Variants in MRPL28 observed in about 807,000 individuals in gnomAD.
MRPL28 encodes mitochondrial ribosomal protein L28.
Under a neutral mutation model 26.2 loss-of-function variants are expected in MRPL28, and 25 were observed. That is an observed-to-expected ratio of 0.95 (90% CI 0.69 to 1.33). The LOEUF is 1.33. Among genes scored for constraint, MRPL28 ranks in the 40% most tolerant of loss-of-function variants. The probability of loss-of-function intolerance (pLI) is 0.00; values close to 1 mark genes in which losing one functional copy is unlikely to be tolerated. For synonymous variants in MRPL28, 227 were observed against 140.1 expected, an observed-to-expected ratio of 1.62 and a Z score of -4.38; for missense variants, 432 against 327.2, an observed-to-expected ratio of 1.32 and a Z score of -2.47.
chr16:370,182 G>C lies in MRPL28; in HGVS notation c.37C>G (p.Arg13Gly). 1 of 1,598,066 alleles carries C rather than the reference G, an allele frequency of 6.3e-7. No homozygotes were observed. Among genetic ancestry groups the C allele is most frequent in the African/African-American group, 1.3e-5 (1 of 74,744 alleles). ...LHKYPVWLWKRLQLREGICSR... is the reference protein window; with the variant it reads ...LHKYPVWLWKGLQLREGICSR... Reference sequence around the variant, plus strand: ...CAGATGCCCTCCCGCAGCTGCAGCCGCTTCCAGAGCCACACGGGATACTTG... The same window carrying C: ...CAGATGCCCTCCCGCAGCTGCAGCCCCTTCCAGAGCCACACGGGATACTTG... The change falls in exon 2 of 6, where the codon CGG becomes GGG. Residue 13 changes from arginine (R) to glycine (G), a missense_variant. Coordinates refer to ENST00000199706, the MANE Select transcript of MRPL28 (RefSeq NM_006428.5).
In MRPL28 at chr16:369,914, G is replaced by A; in HGVS notation, c.288+17C>T. 1 of 1,597,598 alleles carries A rather than the reference G, an allele frequency of 6.3e-7. No individual in the cohort carries two copies. Among genetic ancestry groups the A allele is most frequent in the Non-Finnish European group, 8.5e-7 (1 of 1,174,886 alleles). Reference sequence around the variant, plus strand: ...CAAGCCCTGAGAGGAGCCCCTGAAGGCCGCCTGCGGACCCACCTTGTCGTT... The same window carrying A: ...CAAGCCCTGAGAGGAGCCCCTGAAGACCGCCTGCGGACCCACCTTGTCGTT... On this transcript the variant is annotated intron_variant, in intron 2 of 5. Coordinates refer to ENST00000199706, the MANE Select transcript of MRPL28 (RefSeq NM_006428.5).
chr16:369,231 A>T lies in MRPL28; in HGVS notation c.289-11T>A. On this transcript the variant is annotated splice_polypyrimidine_tract_variant and intron_variant, in intron 2 of 5. Coordinates refer to ENST00000199706, the MANE Select transcript of MRPL28 (RefSeq NM_006428.5). ...CAGCCTCTTGGAGAGCTGAGGGTGC[A>T]ACAGAGCCTCCATGAGTACTGCTGC... 6.2e-7 allele frequency: 1 copy of T among 1,613,466 alleles called. No individual in the cohort carries two copies.
chr16:369,176 C>G lies in MRPL28; in HGVS notation c.333G>C (p.Glu111Asp). 6 of 1,614,068 alleles carry G rather than the reference C, an allele frequency of 3.7e-6. No homozygotes were observed. The highest frequency in any genetic ancestry group is 5.1e-6 in the Non-Finnish European group (6 of 1,179,970). ...CCAGGATCTCACTGTAGAACTCTCG[C>G]TCAAACAGCTGTGGCTTCCACACTT... Reference protein sequence around the residue: ...LKKVWKPQLFEREFYSEILDK... With the variant: ...LKKVWKPQLFDREFYSEILDK... Residue 111 changes from glutamate to aspartate, a missense_variant, in exon 3 of 6, where the codon GAG becomes GAC. By Grantham distance (45) the Glu-to-Asp change is conservative. Transcript: ENST00000199706.
In MRPL28 at chr16:367,082, G is replaced by A. The variant is rs1250451209; in HGVS notation, c.*593C>T. Among the ~76,000 whole-genome samples, 2 of 152,150 alleles carry A rather than the reference G, an allele frequency of 1.3e-5. No homozygotes were observed. The highest frequency in any genetic ancestry group is 2.4e-5 in the African/African-American group (1 of 41,434). ...AGCCATACATGATAGCGGGGTGCCT[G>A]TAATCCCAGCTACTCAGGAGGCTGA... On this transcript the variant is annotated 3_prime_UTR_variant, in exon 6 of 6. Coordinates refer to ENST00000199706, the MANE Select transcript of MRPL28 (RefSeq NM_006428.5).
chr16:368,129 C>G (rs2054277487), intron 5 of MRPL28, among the ~76,000 whole-genome samples, 199 bp downstream of exon 5: 1 of 152,200 alleles, frequency 6.6e-6, no homozygotes, highest in Admixed American at 6.5e-5. Flanking sequence ...ACTGAGGGTC[C>G]TGGGACAGAA....
rs1162817845 is a variant in MRPL28 at position 370,038 on chromosome 16, G to T, written c.181C>A (p.Arg61Ser). 6.2e-7 allele frequency: 1 copy of T among 1,613,194 alleles called. No individual in the cohort carries two copies. Among genetic ancestry groups the T allele is most frequent in the Non-Finnish European group, 8.5e-7 (1 of 1,179,846 alleles). Reference protein sequence around the residue: ...KINPKNGQRERVEDVPIPIYF... With the variant: ...KINPKNGQRESVEDVPIPIYF... ...ATGGGAATGGGCACGTCCTCCACAC[G>T]CTCCCGCTGCCCGTTCTTGGGGTTG... The change falls in exon 2 of 6, where the codon CGT becomes AGT. Residue 61 changes from arginine to serine, a missense_variant. Coordinates refer to ENST00000199706, the MANE Select transcript of MRPL28 (RefSeq NM_006428.5).
rs1268568882 is a variant in MRPL28 at position 367,461 on chromosome 16, G to A, written c.*214C>T. 1 of 715,570 alleles carries A rather than the reference G, an allele frequency of 1.4e-6. No individual in the cohort carries two copies. Among genetic ancestry groups the A allele is most frequent in the African/African-American group, 1.7e-5 (1 of 57,370 alleles). 44.3% of individuals were successfully genotyped at this position (715,570 alleles called of 1,614,324 possible). A position where few individuals can be genotyped will look rare whatever the true frequency, so the allele number is the denominator to read the frequency against. On this transcript the variant is annotated 3_prime_UTR_variant, in exon 6 of 6. Transcript: ENST00000199706. ...AAGGAACACTGCCGCAAACGTCGGG[G>A]CCCAGCCTGAGAGGAGCCTCTGGGC...
chr16:367,710 G>A lies in MRPL28; in HGVS notation c.736C>T (p.Pro246Ser). ...QQLQQQALSEPAVVQKRASGQ is the reference protein window; with the variant it reads ...QQLQQQALSESAVVQKRASGQ Reference sequence around the variant, plus strand: ...CTGGCTCTCTTCTGCACCACCGCCGGCTCTGACAGTGCCTGCTGCTGCAGC... The same window carrying A: ...CTGGCTCTCTTCTGCACCACCGCCGACTCTGACAGTGCCTGCTGCTGCAGC... Residue 246 changes from proline to serine, a missense_variant, in exon 6 of 6, where the codon CCG becomes TCG. Pro to Ser is a moderately conservative substitution (Grantham distance 74). Transcript: ENST00000199706. The A allele has an allele frequency of 6.2e-7, 1 of 1,613,884 alleles. No homozygotes were observed.
chr16:367,638 G>C lies in MRPL28; in HGVS notation c.*37C>G. 6.4e-7 allele frequency: 1 copy of C among 1,561,542 alleles called. No individual in the cohort carries two copies. The highest frequency in any genetic ancestry group is 2.2e-5 in the East Asian group (1 of 44,598). On this transcript the variant is annotated 3_prime_UTR_variant, in exon 6 of 6. Transcript: ENST00000199706. ...CAGTGCAAAGGGCCTGGCAGGGAAAGCTGGGCCTGTTGGTCAGGCATGGAG... is the reference window on the plus strand; with the variant it reads ...CAGTGCAAAGGGCCTGGCAGGGAAACCTGGGCCTGTTGGTCAGGCATGGAG...
At chr16:368,912 G>C in intron 3 of MRPL28, 156 bp downstream of exon 3, 1 of 1,102,148 alleles carries the variant, frequency 9.1e-7, no homozygotes, top group Non-Finnish European at 1.3e-6. Flanking sequence ...CCCCACTGGT[G>C]CTGGCCAGAA....
At chr16:367,849 G>A (rs768710775) in intron 5 of MRPL28, 67 bp from the exon 6 acceptor site, 15 of 1,384,180 alleles carry the variant, frequency 1.1e-5, no homozygotes, top group Non-Finnish European at 1.5e-5. Flanking sequence ...CGACGGGGAT[G>A]GGATCAGCAG....
In MRPL28 at chr16:367,566, C is replaced by T. The variant is rs1597148834; in HGVS notation, c.*109G>A. On this transcript the variant is annotated 3_prime_UTR_variant, in exon 6 of 6. Coordinates refer to ENST00000199706, the MANE Select transcript of MRPL28 (RefSeq NM_006428.5). The stretch of plus-strand genomic sequence containing the variant: ...GGGCAGCACACGAAACCAGGATCCA[C>T]CCACTGCCCACCGGTGGCCCTCACA... 1.0e-6 allele frequency: 1 copy of T among 976,656 alleles called. No individual in the cohort carries two copies. The highest frequency in any genetic ancestry group is 1.4e-5 in the South Asian group (1 of 71,292). The allele number at this position is 976,656 out of a possible 1,614,324, so 60.5% of individuals were successfully genotyped here. A position where few individuals can be genotyped will look rare whatever the true frequency, so the allele number is the denominator to read the frequency against.
At position 370,173 on chromosome 16, in the gene MRPL28, G is replaced by A. The variant is rs759877016; in HGVS notation, c.46C>T (p.Leu16=). Residue 16 remains leucine (L), a synonymous_variant, in exon 2 of 6, where the codon CTG becomes TTG. Transcript: ENST00000199706. ...AGGCGGGAACAGATGCCCTCCCGCAGCTGCAGCCGCTTCCAGAGCCACACG... is the reference window on the plus strand; with the variant it reads ...AGGCGGGAACAGATGCCCTCCCGCAACTGCAGCCGCTTCCAGAGCCACACG... ...YPVWLWKRLQ[L]REGICSRLPG... The A allele has an allele frequency of 6.3e-7, 1 of 1,599,102 alleles. No homozygotes were observed. Among genetic ancestry groups the A allele is most frequent in the South Asian group, 1.1e-5 (1 of 90,094 alleles).
chr16:369,506 T>C (rs901501773), intron 2 of MRPL28: 5 of 629,008 alleles, frequency 7.9e-6, no homozygotes, highest in Middle Eastern at 2.5e-4. Context: ...GACCCCACAG[T>C]TTACAGGTTG....
Position 368,611 on chromosome 16 carries a change from T to G in MRPL28, c.466A>C (p.Lys156Gln), listed in dbSNP as rs149116854. 5.6e-5 allele frequency: 88 copies of G among 1,579,354 alleles called. No individual in the cohort carries two copies. The African/African-American group carries it at 1.0e-3, about 18-fold the overall frequency. Residue 156 changes from lysine to glutamine, a missense_variant, in exon 4 of 6, where the codon AAG becomes CAG. Physicochemically the swap from Lys to Gln is moderately conservative, Grantham distance 53. Transcript: ENST00000199706. ...LKTPKEDLCS[K>Q]FGMDLKRGML... ...CCTCGCTTCAGGTCCATCCCAAACTTGGAGCACAGGTCCTCCTTCGGGGTC... is the reference window on the plus strand; with the variant it reads ...CCTCGCTTCAGGTCCATCCCAAACTGGGAGCACAGGTCCTCCTTCGGGGTC...
chr16:369,028 C>A, intron 3 of MRPL28, 40 bp downstream of exon 3: 1 of 1,603,322 alleles, frequency 6.2e-7, no homozygotes, highest in Non-Finnish European at 8.5e-7. Context: ...ACTGGCCCAT[C>A]CCAGACCCTG....
intron 2 of MRPL28, 21 bp from the exon 3 acceptor site, chr16:369,241 C>G: frequency 6.2e-7 from 1 of 1,611,922 alleles, no homozygotes; most frequent in South Asian, 1.1e-5. Flanking sequence ...AACAGAGCCT[C>G]CATGAGTACT....
At position 369,048 on chromosome 16, in the gene MRPL28, A is replaced by G; in HGVS notation, c.441+20T>C. 6.2e-7 allele frequency: 1 copy of G among 1,610,734 alleles called. No homozygotes were observed. Among genetic ancestry groups the G allele is most frequent in the Non-Finnish European group, 8.5e-7 (1 of 1,178,840 alleles). ...CCCATCCCAGACCCTGTGTGCACTGACTCGCCCCACCCCGCTTGCCTTGAG... is the reference window on the plus strand; with the variant it reads ...CCCATCCCAGACCCTGTGTGCACTGGCTCGCCCCACCCCGCTTGCCTTGAG... On this transcript the variant is annotated intron_variant, in intron 3 of 5. Transcript: ENST00000199706.
At chr16:368,044 G>A (rs994163635) in intron 5 of MRPL28, among the ~76,000 whole-genome samples, 1 of 152,238 alleles carries the variant, frequency 6.6e-6, no homozygotes, top group East Asian at 1.9e-4. Context: ...TCCCTGTCCT[G>A]ACAGCTACCT....
Sources: gnomAD v4.1 joint callset for allele counts (sites outside exome capture counted in the v4.1 genomes callset) on GRCh38, gnomAD v4.1.1 for gene constraint, MANE v1.5 for transcripts, NCBI Gene and HGNC (gene_info 2026-07-23, HGNC 2026-07-21) for gene names.